Variants in DAB2IP observed in about 807,000 individuals in gnomAD.
DAB2IP encodes DAB2 interacting protein.
Under a neutral mutation model 107.2 loss-of-function variants are expected in DAB2IP, and 28 were observed. The observed-to-expected ratio is 0.26, with a 90% confidence interval of 0.19 to 0.36. DAB2IP has a LOEUF of 0.36. DAB2IP is among the 10% of genes least tolerant of loss of function. The pLI is 1.00. For missense variants in DAB2IP, 1,400 were observed against 1,644.7 expected (o/e 0.85, Z 2.57); for synonymous variants, 755 against 706.4 (o/e 1.07, Z -1.09).
intron 2 of DAB2IP, among the ~76,000 whole-genome samples, chr9:121,688,416 G>A (rs955857157): frequency 1.3e-5 from 2 of 152,190 alleles, no homozygotes; most frequent in Non-Finnish European, 2.9e-5. Flanking sequence ...CCCTGCTCCA[G>A]CACCTTAGAT....
At chr9:121,629,237 A>G (rs1305507313) in intron 1 of DAB2IP, among the ~76,000 whole-genome samples, 1 of 152,158 alleles carries the variant, frequency 6.6e-6, no homozygotes, top group Non-Finnish European at 1.5e-5. Context: ...GGGACATTGG[A>G]CAGGTGAAGA....
intron 1 of DAB2IP, among the ~76,000 whole-genome samples, chr9:121,630,291 G>A (rs188154364): frequency 1.3e-5 from 2 of 152,226 alleles, no homozygotes; most frequent in South Asian, 2.1e-4. Flanking sequence ...TTCGGGAGGT[G>A]GAGGCAGGCA....
chr9:121,676,817 GA>G (rs886558536), intron 1 of DAB2IP, among the ~76,000 whole-genome samples: 1 of 152,230 alleles, frequency 6.6e-6, no homozygotes, highest in African/African-American at 2.4e-5. Context: ...AGGGGAGCAG[GA>G]AGGGAGTCCT....
rs140197207 is a variant in DAB2IP at position 121,596,271 on chromosome 9, C to A, written c.40+29043C>A. Among the ~76,000 whole-genome samples the A allele has an allele frequency of 3.7e-3, 568 of 152,224 alleles. 3 individuals carry two copies. Among genetic ancestry groups the A allele is most frequent in the African/African-American group, 0.013 (545 of 41,552 alleles). Reference sequence around the variant, plus strand: ...TCTTGAACCCAGGAGACAGAGGTTGCGGTGAACTGAGATCGTGCCATTGCA... The same window carrying A: ...TCTTGAACCCAGGAGACAGAGGTTGAGGTGAACTGAGATCGTGCCATTGCA... On this transcript the variant is annotated intron_variant, in intron 1 of 16. Coordinates refer to the DAB2IP transcript ENST00000259371.
At chr9:121,612,301 T>G (rs1232075905) in intron 1 of DAB2IP, among the ~76,000 whole-genome samples, 2 of 151,958 alleles carry the variant, frequency 1.3e-5, no homozygotes, top group Non-Finnish European at 2.9e-5. Flanking sequence ...CACTCCCACT[T>G]TGGTAGCAGA....
intron 1 of DAB2IP, among the ~76,000 whole-genome samples, chr9:121,678,119 A>G (rs965530245): frequency 1.3e-5 from 2 of 152,186 alleles, no homozygotes; most frequent in Non-Finnish European, 2.9e-5. Context: ...ATCACCCTTT[A>G]CAGAAACTCT....
chr9:121,773,158 C>T (rs537291777), exon 12 of DAB2IP: 7 of 1,607,822 alleles, frequency 4.4e-6, no homozygotes, highest in African/African-American at 1.3e-5. Flanking sequence ...AGTTTCAGCA[C>T]TGCCGCGGAG....
chr9:121,670,420 G>A (rs886370510), intron 1 of DAB2IP, among the ~76,000 whole-genome samples: 1 of 152,232 alleles, frequency 6.6e-6, no homozygotes, highest in Non-Finnish European at 1.5e-5. Context: ...GGTGTCAGCA[G>A]GCTGCGTTCT....
intron 1 of DAB2IP, among the ~76,000 whole-genome samples, chr9:121,626,444 G>A (rs1725856670): frequency 7.6e-6 from 1 of 132,140 alleles, no homozygotes; most frequent in Admixed American, 8.2e-5. Context: ...TTTTTTTTGA[G>A]ATGGAGTTTT....
intron 3 of DAB2IP, among the ~76,000 whole-genome samples, chr9:121,747,212 G>GT (rs1564196197): frequency 6.6e-6 from 1 of 152,100 alleles, no homozygotes; most frequent in South Asian, 2.1e-4. Flanking sequence ...AAGCCTGATA[G>GT]TTTTTCCTAC....
At position 121,782,835 on chromosome 9, in the gene DAB2IP, G is replaced by C. The variant is rs1371392846; in HGVS notation, c.*337G>C. 8.9e-7 allele frequency: 1 copy of C among 1,120,294 alleles called. No individual in the cohort carries two copies. Among genetic ancestry groups the C allele is most frequent in the African/African-American group, 1.6e-5 (1 of 62,094 alleles). 69.4% of individuals were successfully genotyped at this position (1,120,294 alleles called of 1,614,324 possible). On this transcript the variant is annotated 3_prime_UTR_variant, in exon 16 of 16. Coordinates refer to ENST00000408936, the Ensembl canonical transcript of DAB2IP. This position sits in a 1 kb window ranked among gnomAD's most constrained non-coding sequence, Gnocchi z 6.1. ...TCCTTGTCCTCCTGGATCTGGCCGA[G>C]TGCATGTGTCCCCCCACACCTGTGC...
chr9:121,674,441 T>C (rs898554153), intron 1 of DAB2IP, among the ~76,000 whole-genome samples: 7 of 152,074 alleles, frequency 4.6e-5, no homozygotes, highest in Non-Finnish European at 1.0e-4. Flanking sequence ...GCTGGGAGAC[T>C]GGAGAGGTCA....
intron 3 of DAB2IP, among the ~76,000 whole-genome samples, chr9:121,738,000 A>G (rs1832049333): frequency 6.6e-6 from 1 of 151,230 alleles, no homozygotes; most frequent in African/African-American, 2.4e-5. Flanking sequence ...TTCCTCCTCC[A>G]GGGAAGCAAG....
chr9:121,682,970 G>A (rs1164136822), intron 2 of DAB2IP, among the ~76,000 whole-genome samples: 2 of 152,142 alleles, frequency 1.3e-5, no homozygotes, highest in South Asian at 2.1e-4. Context: ...TGGGGGAAGG[G>A]GCCTGGGAGT....
At position 121,609,095 on chromosome 9, in the gene DAB2IP, T is replaced by A. The variant is rs1377838883; in HGVS notation, c.40+41867T>A. Among the ~76,000 whole-genome samples the A allele has an allele frequency of 9.8e-5, 15 of 152,298 alleles. No individual in the cohort carries two copies. The South Asian group carries it at 3.1e-3, about 32-fold the overall frequency. On this transcript the variant is annotated intron_variant, in intron 1 of 16. Coordinates refer to the DAB2IP transcript ENST00000259371. ...TAGCTGGGACTACAGGTGTGTGCCA[T>A]CACGGCCAGCTATTTTTTTGTGTGT...
In DAB2IP at chr9:121,635,031, C is replaced by T. The variant is rs59867658; in HGVS notation, c.41-43647C>T. ...ACCTGTGTATATGTGTGTGTGTGTG[C>T]GCGTGCGTGTGTATGTGTGTGTGCA... On this transcript the variant is annotated intron_variant, in intron 1 of 16. Transcript: ENST00000259371. This position sits in a 1 kb window ranked among gnomAD's most constrained non-coding sequence, Gnocchi z 4.3. 0.051 allele frequency among the ~76,000 whole-genome samples: 7,777 copies of T among 151,980 alleles called. 663 individuals carry two copies. The highest frequency in any genetic ancestry group is 0.18 in the African/African-American group (7,304 of 41,432).
chr9:121,757,902 A>G (rs1833606800), intron 4 of DAB2IP, among the ~76,000 whole-genome samples: 1 of 152,228 alleles, frequency 6.6e-6, no homozygotes. Flanking sequence ...TGGTAATGAA[A>G]AGCAGCCACT....
chr9:121,693,895 C>T (rs1272276028), intron 2 of DAB2IP, among the ~76,000 whole-genome samples: 1 of 152,188 alleles, frequency 6.6e-6, no homozygotes, highest in African/African-American at 2.4e-5. Flanking sequence ...GCCTTTGAGA[C>T]CATTGGTGAC....
intron 2 of DAB2IP, among the ~76,000 whole-genome samples, chr9:121,685,015 C>T (rs1402593376): frequency 6.6e-6 from 1 of 152,158 alleles, no homozygotes; most frequent in East Asian, 1.9e-4. Flanking sequence ...ATGGGCGCCC[C>T]AGTTTTCTCC....
Sources: gnomAD v4.1 joint callset for allele counts (sites outside exome capture counted in the v4.1 genomes callset) on GRCh38, gnomAD v4.1.1 for gene constraint, Gnocchi (gnomAD v3.1) non-coding constraint, MANE v1.5 for transcripts, NCBI Gene and HGNC (gene_info 2026-07-23, HGNC 2026-07-21) for gene names.